LRMDA: variants seen among roughly 807,000 people sequenced by gnomAD.
The protein encoded by LRMDA is leucine-rich melanocyte differentiation-associated protein.
Under a neutral mutation model 29.8 loss-of-function variants are expected in LRMDA, and 18 were observed. The ratio of observed to expected loss-of-function variants is 0.60; its 90% confidence interval spans 0.42 to 0.90. The LOEUF (loss-of-function observed/expected upper bound fraction) is 0.90, where lower values mean the gene tolerates loss of function less well. Ranked by LOEUF, LRMDA falls within the 40% of genes least tolerant of loss-of-function variation. LRMDA has a pLI of 0.00. For synonymous variants in LRMDA, 125 were observed against 109.4 expected (o/e 1.14, Z -0.89); for missense variants, 273 against 273.9 (o/e 1.00, Z 0.02).
intron 5 of LRMDA, among the ~76,000 whole-genome samples, chr10:76,086,789 C>T (rs1219580744): frequency 6.6e-6 from 1 of 152,126 alleles, no homozygotes; most frequent in East Asian, 1.9e-4. Context: ...GAGTGATGCT[C>T]CCAGCCAAAG....
intron 2 of LRMDA, among the ~76,000 whole-genome samples, chr10:75,581,842 G>T (rs1206368666): frequency 6.6e-6 from 1 of 152,128 alleles, no homozygotes; most frequent in Non-Finnish European, 1.5e-5. Context: ...TAGATGATGG[G>T]TTGATGGGTG....
At chr10:76,390,381 G>T (rs1841708370) in intron 6 of LRMDA, among the ~76,000 whole-genome samples, 1 of 152,104 alleles carries the variant, frequency 6.6e-6, no homozygotes, top group South Asian at 2.1e-4. Context: ...AGGGAGATCA[G>T]GTAGGAAGTT....
intron 2 of LRMDA, among the ~76,000 whole-genome samples, chr10:75,722,819 G>A (rs1842584885): frequency 6.6e-6 from 1 of 152,230 alleles, no homozygotes; most frequent in African/African-American, 2.4e-5. Flanking sequence ...CATAGGTGAT[G>A]AAATCACTTT....
At chr10:75,756,416 G>A (rs547781617) in intron 2 of LRMDA, among the ~76,000 whole-genome samples, 4 of 152,142 alleles carry the variant, frequency 2.6e-5, no homozygotes, top group Non-Finnish European at 5.9e-5. Context: ...AGGAGTGGTG[G>A]AGCATAGAGT....
chr10:75,483,013 C>T (rs1310906203), intron 2 of LRMDA, among the ~76,000 whole-genome samples: 2 of 151,964 alleles, frequency 1.3e-5, no homozygotes, highest in African/African-American at 4.8e-5. Context: ...GGCACCATCT[C>T]AGCTTACTGC....
chr10:75,836,052 C>T (rs894894352), intron 2 of LRMDA, among the ~76,000 whole-genome samples: 73 of 152,270 alleles, frequency 4.8e-4, no homozygotes, highest in African/African-American at 1.6e-3. Flanking sequence ...AATCCTCACT[C>T]TCTTAGTGTA....
chr10:76,254,300 T>TATACC (rs1554859356), intron 5 of LRMDA, among the ~76,000 whole-genome samples: 133 of 90,612 alleles, frequency 1.5e-3, no homozygotes, highest in East Asian at 2.7e-3. Context: ...TATACTATAC[T>TATACC]ATACCATACC....
intron 2 of LRMDA, among the ~76,000 whole-genome samples, chr10:75,527,752 A>T (rs1416429702): frequency 6.8e-6 from 1 of 147,590 alleles, no homozygotes; most frequent in Admixed American, 6.8e-5. Context: ...TATAAATAAT[A>T]TATAATATAT....
At chr10:75,802,968 ATATAT>A (rs1420275708) in intron 2 of LRMDA, among the ~76,000 whole-genome samples, 99 of 120,244 alleles carry the variant, frequency 8.2e-4, no homozygotes, top group Admixed American at 1.3e-3. Flanking sequence ...ATATATATAT[ATATAT>A]TTTTTTTTTT....
intron 2 of LRMDA, among the ~76,000 whole-genome samples, chr10:75,586,888 C>CAT (rs1324521785): frequency 3.3e-5 from 5 of 151,842 alleles, no homozygotes; most frequent in Non-Finnish European, 7.4e-5. Flanking sequence ...TCTTATCAGG[C>CAT]ATATGGTTTG....
intron 6 of LRMDA, among the ~76,000 whole-genome samples, chr10:76,429,848 C>T (rs548157616): frequency 2.9e-4 from 44 of 152,268 alleles, no homozygotes; most frequent in Admixed American, 9.8e-4. Context: ...AGGCGCCTGC[C>T]GAGATGGAAT....
chr10:76,036,658 A>G lies in LRMDA; in HGVS notation c.258+524A>G, dbSNP rs776791764. Among the ~76,000 whole-genome samples the G allele has an allele frequency of 7.2e-5, 11 of 152,308 alleles. No homozygotes were observed. In the East Asian group the frequency reaches 1.9e-3, roughly 27 times the overall value. Reference sequence around the variant, plus strand: ...AGACATGTGAAGCCCAGGCCTGGCTATGCCCTCACTGGGGGATACCATGCT... The same window carrying G: ...AGACATGTGAAGCCCAGGCCTGGCTGTGCCCTCACTGGGGGATACCATGCT... On this transcript the variant is annotated intron_variant, in intron 3 of 6. Coordinates refer to ENST00000611255, the MANE Select transcript of LRMDA (RefSeq NM_001305581.2).
At chr10:75,606,514 A>G (rs1019648892) in intron 2 of LRMDA, among the ~76,000 whole-genome samples, 5 of 152,166 alleles carry the variant, frequency 3.3e-5, no homozygotes, top group African/African-American at 1.2e-4. Flanking sequence ...CATGGGCTCT[A>G]TTGGTGCCCT....
chr10:75,454,811 GA>G (rs1333274957), intron 2 of LRMDA, among the ~76,000 whole-genome samples: 4 of 152,148 alleles, frequency 2.6e-5, no homozygotes, highest in Non-Finnish European at 5.9e-5. Context: ...GCTTTGGCAA[GA>G]AAAAAATCAG....
At chr10:76,524,820 G>A (rs1320871825) in intron 6 of LRMDA, among the ~76,000 whole-genome samples, 2 of 152,194 alleles carry the variant, frequency 1.3e-5, no homozygotes, top group East Asian at 3.8e-4. Context: ...TGAGACACAG[G>A]AGAGCAATGG....
intron 6 of LRMDA, among the ~76,000 whole-genome samples, chr10:76,368,631 A>G (rs907923508): frequency 6.6e-6 from 1 of 152,148 alleles, no homozygotes; most frequent in African/African-American, 2.4e-5. Flanking sequence ...GTTCCAAGGT[A>G]TAGTTTAAAT....
At chr10:75,582,679 C>A (rs896704129) in intron 2 of LRMDA, among the ~76,000 whole-genome samples, 1 of 152,224 alleles carries the variant, frequency 6.6e-6, no homozygotes, top group African/African-American at 2.4e-5. Context: ...TTTAGTTATG[C>A]AAATTTCTGC....
At chr10:76,229,425 C>T (rs570139553) in intron 5 of LRMDA, among the ~76,000 whole-genome samples, 11 of 152,274 alleles carry the variant, frequency 7.2e-5, no homozygotes, top group South Asian at 4.2e-4. Flanking sequence ...TGTCCTGGGA[C>T]GAAGTCTGTC....
intron 2 of LRMDA, among the ~76,000 whole-genome samples, chr10:75,442,674 G>A (rs1369538461): frequency 2.0e-5 from 3 of 152,140 alleles, no homozygotes; most frequent in South Asian, 2.1e-4. Context: ...ATGTTTTGAA[G>A]TCAGGTAGTG....
Sources: gnomAD v4.1 joint callset for allele counts (sites outside exome capture counted in the v4.1 genomes callset) on GRCh38, gnomAD v4.1.1 for gene constraint, MANE v1.5 for transcripts, NCBI Gene and HGNC (gene_info 2026-07-23, HGNC 2026-07-21) for gene names.